The following TACR1 variants were observed in gnomAD, a reference collection of about 807,000 sequenced individuals.
TACR1 encodes substance-P receptor.
A neutral mutation model predicts 35.8 loss-of-function variants in TACR1; 25 were observed. The ratio of observed to expected loss-of-function variants is 0.70; its 90% CI spans 0.51 to 0.98. The LOEUF (loss-of-function observed/expected upper bound fraction) is 0.98, where lower values mean the gene tolerates loss of function less well. TACR1 is among the 50% of genes least tolerant of loss of function. TACR1 has a pLI of 0.00. For missense variants in TACR1, 478 were observed against 522.9 expected (o/e 0.91, Z 0.84); for synonymous variants, 195 against 206.7 (o/e 0.94, Z 0.48).
intron 2 of TACR1, among the ~76,000 whole-genome samples, chr2:75,071,027 A>G (rs73935519): frequency 0.012 from 1,860 of 152,334 alleles, 41 homozygotes; most frequent in African/African-American, 0.042. Flanking sequence ...TCAAGTGTCA[A>G]TATCTGTAAA....
At chr2:75,175,866 T>C (rs1675400103) in intron 1 of TACR1, among the ~76,000 whole-genome samples, 1 of 152,182 alleles carries the variant, frequency 6.6e-6, no homozygotes, top group East Asian at 1.9e-4. Flanking sequence ...CATTTTGAAC[T>C]TTGAAAACAG....
intron 2 of TACR1, among the ~76,000 whole-genome samples, chr2:75,111,719 A>G (rs748933721): frequency 2.0e-5 from 3 of 152,004 alleles, no homozygotes; most frequent in Non-Finnish European, 4.4e-5. Flanking sequence ...TATACTGTAT[A>G]TTGTATTGTG....
chr2:75,182,606 C>T (rs1675585655), intron 1 of TACR1, among the ~76,000 whole-genome samples: 1 of 152,330 alleles, frequency 6.6e-6, no homozygotes, highest in East Asian at 1.9e-4. Context: ...TAGCACAACA[C>T]ATTACCTTTT....
chr2:75,135,597 C>T (rs952879483), intron 1 of TACR1, among the ~76,000 whole-genome samples: 2 of 152,160 alleles, frequency 1.3e-5, no homozygotes, highest in South Asian at 2.1e-4. Flanking sequence ...GAGGCAGTGG[C>T]GTCGGCTTAA....
chr2:75,147,253 A>G (rs914735978), intron 1 of TACR1, among the ~76,000 whole-genome samples: 8 of 152,202 alleles, frequency 5.3e-5, no homozygotes, highest in African/African-American at 1.4e-4. Context: ...ACCAGCTAAC[A>G]TTTCAATTTT....
intron 1 of TACR1, among the ~76,000 whole-genome samples, chr2:75,183,434 A>G (rs144757123): frequency 2.5e-3 from 376 of 152,350 alleles, no homozygotes; most frequent in African/African-American, 8.8e-3. Context: ...ATCAACAGCT[A>G]TATTAATCAC....
chr2:75,192,918 T>C (rs1675883598), intron 1 of TACR1, among the ~76,000 whole-genome samples: 1 of 152,232 alleles, frequency 6.6e-6, no homozygotes, highest in African/African-American at 2.4e-5. Flanking sequence ...TAAATTATTA[T>C]GAGTATTCCC....
At position 75,198,681 on chromosome 2, in the gene TACR1, T is replaced by C. The variant is rs201404494; in HGVS notation, c.254A>G (p.Asn85Ser). The change falls in exon 1 of 5, where the codon AAT becomes AGT. Residue 85 changes from asparagine (N) to serine (S), a missense_variant. Physicochemically the swap from Asn to Ser is conservative, Grantham distance 46. Coordinates refer to ENST00000305249, the MANE Select transcript of TACR1 (RefSeq NM_001058.4). ...AGCATAGGTGAAGTTCACCACTGTA[T>C]TGAATGCAGCCATGGAGGCCTCCGC... ...AFAEASMAAF[N>S]TVVNFTYAVH... The C allele has an allele frequency of 2.5e-6, 4 of 1,614,218 alleles. No individual in the cohort carries two copies. The South Asian group carries it at 3.3e-5, about 13-fold the overall frequency.
intron 2 of TACR1, among the ~76,000 whole-genome samples, chr2:75,061,894 A>T (rs1278975638): frequency 1.3e-5 from 2 of 152,186 alleles, no homozygotes; most frequent in East Asian, 3.9e-4. Flanking sequence ...CTCAAATTGC[A>T]CAAGTCAGAA....
intron 2 of TACR1, among the ~76,000 whole-genome samples, chr2:75,085,172 A>G (rs1414499116): frequency 6.6e-6 from 1 of 152,102 alleles, no homozygotes; most frequent in Non-Finnish European, 1.5e-5. Context: ...AAGCCGATGC[A>G]TCACCTTGGG....
chr2:75,116,407 AT>A (rs1193659243), intron 2 of TACR1, among the ~76,000 whole-genome samples: 1 of 152,050 alleles, frequency 6.6e-6, no homozygotes, highest in African/African-American at 2.4e-5. Context: ...GGGCTCCACA[AT>A]TTTTTTTGTT....
chr2:75,151,571 C>T (rs1281278211), intron 1 of TACR1, among the ~76,000 whole-genome samples: 1 of 152,206 alleles, frequency 6.6e-6, no homozygotes, highest in Admixed American at 6.5e-5. Context: ...ATGGAAGTAC[C>T]TGGATGCCCA....
chr2:75,133,798 G>A (rs930666482), intron 1 of TACR1, among the ~76,000 whole-genome samples: 6 of 152,050 alleles, frequency 3.9e-5, no homozygotes, highest in Admixed American at 2.6e-4. Context: ...GAAACCTACC[G>A]GGCTGCATTC....
chr2:75,117,220 A>G (rs914272044), intron 2 of TACR1, among the ~76,000 whole-genome samples: 1 of 152,014 alleles, frequency 6.6e-6, no homozygotes. Flanking sequence ...CCTGTCTTTA[A>G]TAGTGCTTAA....
At chr2:75,161,096 A>G (rs1674998352) in intron 1 of TACR1, among the ~76,000 whole-genome samples, 1 of 152,224 alleles carries the variant, frequency 6.6e-6, no homozygotes, top group Non-Finnish European at 1.5e-5. Flanking sequence ...TCTCATGAAT[A>G]TAAGAGATCA....
intron 2 of TACR1, among the ~76,000 whole-genome samples, chr2:75,102,374 T>C (rs1038428257): frequency 6.6e-6 from 1 of 152,196 alleles, no homozygotes; most frequent in Non-Finnish European, 1.5e-5. Flanking sequence ...TCGGAATGAT[T>C]TGTTACGCAG....
At chr2:75,171,737 G>C (rs1462348242) in intron 1 of TACR1, among the ~76,000 whole-genome samples, 1 of 152,208 alleles carries the variant, frequency 6.6e-6, no homozygotes, top group Non-Finnish European at 1.5e-5. Context: ...CTGGATTTTG[G>C]ACTTGCATGG....
At chr2:75,116,534 G>GT (rs1319891305) in intron 2 of TACR1, among the ~76,000 whole-genome samples, 17 of 151,990 alleles carry the variant, frequency 1.1e-4, no homozygotes, top group Admixed American at 9.8e-4. Flanking sequence ...ATGTGAATGG[G>GT]TTTTTTTTAG....
At chr2:75,102,715 T>C (rs1019982890) in intron 2 of TACR1, among the ~76,000 whole-genome samples, 4 of 152,126 alleles carry the variant, frequency 2.6e-5, no homozygotes, top group Admixed American at 2.0e-4. Context: ...CCACAATTTA[T>C]ACCCAATCAA....
Sources: allele counts gnomAD v4.1 joint callset (sites outside exome capture counted in the v4.1 genomes callset), GRCh38; gene constraint gnomAD v4.1.1; transcripts MANE v1.5; gene names NCBI Gene and HGNC (gene_info 2026-07-23, HGNC 2026-07-21).